The following TMBIM4 variants were observed in gnomAD, a reference collection of about 807,000 sequenced individuals.
TMBIM4 encodes the protein transmembrane BAX inhibitor motif containing 4.
In TMBIM4, 28 loss-of-function variants were observed where a neutral mutation model predicts 27.7. The ratio of observed to expected loss-of-function variants is 1.01; its 90% CI spans 0.75 to 1.38. The LOEUF is 1.38. Ranked by LOEUF, TMBIM4 falls within the 40% of genes most tolerant of loss-of-function variation. The pLI is 0.00. For missense variants in TMBIM4, 265 were observed against 277.5 expected (o/e 0.95, Z 0.32); for synonymous variants, 115 against 113.1 (o/e 1.02, Z -0.11).
chr12:66,159,958 C>T (rs1468627115), intron 1 of TMBIM4, among the ~76,000 whole-genome samples: 1 of 152,248 alleles, frequency 6.6e-6, no homozygotes, highest in Non-Finnish European at 1.5e-5. Flanking sequence ...GAAATTAACA[C>T]ATGATTACAT....
At chr12:66,168,926 C>T in intron 1 of TMBIM4, 4 of 195,880 alleles carry the variant, frequency 2.0e-5, no homozygotes, top group East Asian at 1.6e-4. Flanking sequence ...TGTATTTTAC[C>T]ACAATTAATT....
chr12:66,169,045 T>C (rs2052185055), intron 1 of TMBIM4: 1 of 360,554 alleles, frequency 2.8e-6, no homozygotes, highest in African/African-American at 2.1e-5. Context: ...TATCTTCATC[T>C]TTCCTTTTCC....
rs187001451 is a variant in TMBIM4 at position 66,154,026 on chromosome 12, A to G, written c.98-578T>C. ...TTCATATTTTGTTATCAATACCCAG[A>G]AATCACCTCTAAGGCTTAATGATTC... On this transcript the variant is annotated intron_variant, in intron 1 of 6. Transcript: ENST00000358230. Among the ~76,000 whole-genome samples, 25 of 152,266 alleles carry G rather than the reference A, an allele frequency of 1.6e-4. No individual in the cohort carries two copies. In the East Asian group the frequency reaches 2.1e-3, roughly 13 times the overall value.
chr12:66,156,774 T>C (rs4502026), intron 1 of TMBIM4, among the ~76,000 whole-genome samples: 3,738 of 152,312 alleles, frequency 0.025, 67 homozygotes, highest in South Asian at 0.053. Flanking sequence ...TTCAGGGCCT[T>C]TGCACTTGCT....
At chr12:66,145,647 TAAG>T (rs1312045870) in intron 5 of TMBIM4, among the ~76,000 whole-genome samples, 191 bp downstream of exon 5, 1 of 151,912 alleles carries the variant, frequency 6.6e-6, no homozygotes, top group African/African-American at 2.4e-5. Context: ...GAGAAGCAAA[TAAG>T]TCAAAGCCAC....
chr12:66,169,400 G>A (rs1369241773), intron 1 of TMBIM4: 5 of 584,188 alleles, frequency 8.6e-6, no homozygotes, highest in Non-Finnish European at 1.5e-5. Flanking sequence ...GCCTAGCACA[G>A]GACGGTAAAT....
At chr12:66,145,308 T>C (rs2051733647) in intron 5 of TMBIM4, 1 of 152,144 alleles carries the variant, frequency 6.6e-6, no homozygotes, top group South Asian at 2.1e-4. Context: ...CACTGTGAGC[T>C]TAGAAAAGAG....
intron 1 of TMBIM4, chr12:66,160,086 C>T (rs894823632): frequency 1.5e-6 from 1 of 653,192 alleles, no homozygotes; most frequent in African/African-American, 1.8e-5. Flanking sequence ...ATATCCTCTA[C>T]AACTGCTTTT....
chr12:66,142,771 G>A lies in TMBIM4; in HGVS notation c.464+3070C>T, dbSNP rs199921497. 1.2e-4 allele frequency among the ~76,000 whole-genome samples: 7 copies of A among 57,824 alleles called. No individual in the cohort carries two copies. In the South Asian group the frequency reaches 4.6e-3, roughly 38 times the overall value. The allele number at this position is 57,824 out of a possible 152,430, so 37.9% of individuals were successfully genotyped here. On this transcript the variant is annotated intron_variant, in intron 5 of 6. Coordinates refer to ENST00000358230, the MANE Select transcript of TMBIM4 (RefSeq NM_016056.4). ...TCATTCACAAGACATTCAGAAACAC[G>A]AGACCCATGAAAAATCCTCTCCAAT... is the stretch of plus-strand genomic sequence containing the variant.
rs1488592632 is a variant in TMBIM4, at chr12:66,137,048, C to G, written c.*912G>C. The G allele has an allele frequency of 6.6e-6, 1 of 152,166 alleles. No individual in the cohort carries two copies. The highest frequency in any genetic ancestry group is 6.5e-5 in the Admixed American group (1 of 15,280). 9.4% of individuals were successfully genotyped at this position (152,166 alleles called of 1,614,324 possible). A position where few individuals can be genotyped will look rare whatever the true frequency, so the allele number is the denominator to read the frequency against. On this transcript the variant is annotated 3_prime_UTR_variant, in exon 7 of 7. Coordinates refer to ENST00000358230, the MANE Select transcript of TMBIM4 (RefSeq NM_016056.4). Reference sequence around the variant, plus strand: ...TCTATAATTTCAAATGAAATCTATACTTTAAAAACAATTAATGTCAAATTT... The same window carrying G: ...TCTATAATTTCAAATGAAATCTATAGTTTAAAAACAATTAATGTCAAATTT...
intron 3 of TMBIM4, among the ~76,000 whole-genome samples, chr12:66,148,423 T>C (rs1484713453): frequency 6.6e-6 from 1 of 152,216 alleles, no homozygotes; most frequent in Non-Finnish European, 1.5e-5. Context: ...GCTGTTCAGA[T>C]TAAACTGCAT....
Position 66,137,813 on chromosome 12 carries a change from C to T in TMBIM4, c.*147G>A. ...AAAGCTCTCAAAATTACATATGATA[C>T]AAATAAAGATTGTAACAGTATTTAA... On this transcript the variant is annotated 3_prime_UTR_variant, in exon 7 of 7. Coordinates refer to ENST00000358230, the MANE Select transcript of TMBIM4 (RefSeq NM_016056.4). 1 of 628,400 alleles carries T rather than the reference C, an allele frequency of 1.6e-6. No homozygotes were observed. The highest frequency in any genetic ancestry group is 2.7e-6 in the Non-Finnish European group (1 of 370,638). 38.9% of individuals were successfully genotyped at this position (628,400 alleles called of 1,614,324 possible).
At chr12:66,157,544 C>T (rs1022536774) in intron 1 of TMBIM4, among the ~76,000 whole-genome samples, 1 of 152,150 alleles carries the variant, frequency 6.6e-6, no homozygotes, top group African/African-American at 2.4e-5. Context: ...TATCTTGGTA[C>T]TTGGAAGTGG....
At position 66,138,065 on chromosome 12, in the gene TMBIM4, T is replaced by C; in HGVS notation, c.612A>G (p.Lys204=). The change falls in exon 7 of 7, where the codon AAA becomes AAG. Residue 204 remains lysine, a synonymous_variant. Transcript: ENST00000358230. ...CTAATACGTACTCTTCAGGTGACAG[T>C]TTATGCATCAGTGAGTGTGTGTCAT... ...IIYDTHSLMH[K]LSPEEYVLAA... is the part of the protein sequence containing the mutation. 1 of 1,614,082 alleles carries C rather than the reference T, an allele frequency of 6.2e-7. No individual in the cohort carries two copies. The highest frequency in any genetic ancestry group is 1.1e-5 in the South Asian group (1 of 91,084).
At chr12:66,156,836 A>G (rs924199498) in intron 1 of TMBIM4, among the ~76,000 whole-genome samples, 1 of 152,084 alleles carries the variant, frequency 6.6e-6, no homozygotes, top group African/African-American at 2.4e-5. Context: ...GTAGTGGTTT[A>G]TGGTAAGTCA....
At chr12:66,165,076 T>C (rs2052102285) in intron 1 of TMBIM4, among the ~76,000 whole-genome samples, 1 of 151,932 alleles carries the variant, frequency 6.6e-6, no homozygotes, top group African/African-American at 2.4e-5. Context: ...AAGACAAAAA[T>C]AAATGGAAAC....
In TMBIM4 at chr12:66,145,874, T is replaced by G. The variant is rs780060951; in HGVS notation, c.431A>C (p.Gln144Pro). Residue 144 changes from glutamine (Q) to proline (P), a missense_variant, in exon 5 of 7, where the codon CAA becomes CCA. Transcript: ENST00000358230. ...VFFGLTVYTL[Q>P]SKKDFSKFGA... ...AAATTTGCTGAAATCCTTCTTAGAT[T>G]GTAGAGTATACACAGTCAAACCAAA... is the stretch of plus-strand genomic sequence containing the variant. 1 of 1,606,940 alleles carries G rather than the reference T, an allele frequency of 6.2e-7. No homozygotes were observed.
At chr12:66,147,002 T>C (rs958906556) in intron 4 of TMBIM4, among the ~76,000 whole-genome samples, 1 of 152,250 alleles carries the variant, frequency 6.6e-6, no homozygotes, top group South Asian at 2.1e-4. Context: ...CCTACATTCT[T>C]TATACATAGT....
At chr12:66,162,035 C>T (rs1220830436) in intron 1 of TMBIM4, among the ~76,000 whole-genome samples, 3 of 151,942 alleles carry the variant, frequency 2.0e-5, no homozygotes, top group Non-Finnish European at 4.4e-5. Context: ...ACCCTTAAAT[C>T]CAGGGCTCTT....
Sources: allele counts gnomAD v4.1 joint callset (sites outside exome capture counted in the v4.1 genomes callset), GRCh38; gene constraint gnomAD v4.1.1; transcripts MANE v1.5; gene names NCBI Gene and HGNC (gene_info 2026-07-23, HGNC 2026-07-21).